RBIS: variants seen among roughly 807,000 people sequenced by gnomAD.
RBIS encodes the protein ribosome biogenesis factor identified in screen.
Under a neutral mutation model 9.8 loss-of-function variants are expected in RBIS, and 9 were observed. The observed-to-expected ratio is 0.92, with a 90% CI of 0.56 to 1.61. The LOEUF is 1.61. Among genes scored for constraint, RBIS ranks in the 40% most tolerant of loss-of-function variants. The pLI is 0.00. For synonymous variants in RBIS, 35 were observed against 37.9 expected, an observed-to-expected ratio of 0.92 and a Z score of 0.28; for missense variants, 103 against 116.0, an observed-to-expected ratio of 0.89 and a Z score of 0.51.
chr8:85,217,478 C>T lies in RBIS; in HGVS notation c.22G>A (p.Gly8Arg). The T allele has an allele frequency of 3.1e-6, 5 of 1,611,274 alleles. No individual in the cohort carries two copies. The highest frequency in any genetic ancestry group is 1.3e-5 in the African/African-American group (1 of 74,944). ...TGAAATACATTCCTGGACTTCGGCC[C>T]TCTTAATTTGTTCTTGGCCATTGTC... MAKNKLRGPKSRNVFHIA... is the reference protein window; with the variant it reads MAKNKLRRPKSRNVFHIA... Residue 8 changes from glycine to arginine, a missense_variant, in exon 2 of 4, where the codon GGG (glycine) becomes AGG (arginine). Coordinates refer to ENST00000619594, the MANE Select transcript of RBIS (RefSeq NM_001099673.3).
Position 85,214,476 on chromosome 8 carries a change from C to G in RBIS, c.*84G>C, listed in dbSNP as rs191018956. 4.4e-5 allele frequency: 42 copies of G among 948,514 alleles called. No individual in the cohort carries two copies. The highest frequency in any genetic ancestry group is 6.9e-5 in the Non-Finnish European group (41 of 593,546). 58.8% of individuals were successfully genotyped at this position (948,514 alleles called of 1,614,324 possible). A position where few individuals can be genotyped will look rare whatever the true frequency, so the allele number is the denominator to read the frequency against. On this transcript the variant is annotated 3_prime_UTR_variant, in exon 4 of 4. Transcript: ENST00000619594. ...TTTTTAAAATGTGCCAATGCCTGTACATTAACAAGATTTTTAAAAATAAAA... is the reference window on the plus strand; with the variant it reads ...TTTTTAAAATGTGCCAATGCCTGTAGATTAACAAGATTTTTAAAAATAAAA...
chr8:85,217,469 A>G lies in RBIS; in HGVS notation c.31T>C (p.Ser11Pro). 6.2e-7 allele frequency: 1 copy of G among 1,612,134 alleles called. No individual in the cohort carries two copies. Among genetic ancestry groups the G allele is most frequent in the Non-Finnish European group, 8.5e-7 (1 of 1,179,500 alleles). ...CTGGCTATGTGAAATACATTCCTGGACTTCGGCCCTCTTAATTTGTTCTTG... is the reference window on the plus strand; with the variant it reads ...CTGGCTATGTGAAATACATTCCTGGGCTTCGGCCCTCTTAATTTGTTCTTG... Reference protein sequence around the residue: MAKNKLRGPKSRNVFHIASQK... With the variant: MAKNKLRGPKPRNVFHIASQK... Residue 11 changes from serine (S) to proline (P), a missense_variant, in exon 2 of 4, where the codon TCC (serine) becomes CCC (proline). Transcript: ENST00000619594.
Position 85,214,432 on chromosome 8 carries a change from G to T in RBIS, c.*128C>A, listed in dbSNP as rs140072409. On this transcript the variant is annotated 3_prime_UTR_variant, in exon 4 of 4. Coordinates refer to ENST00000619594, the MANE Select transcript of RBIS (RefSeq NM_001099673.3). ...TTCCACTTTCCTAGGTTATAGGAAA[G>T]ATCTGTTTATGTAGTTTGTTTTTAA... 31 of 696,508 alleles carry T rather than the reference G, an allele frequency of 4.5e-5. No homozygotes were observed. In the East Asian group the frequency reaches 7.8e-4, roughly 18 times the overall value. 43.1% of individuals were successfully genotyped at this position (696,508 alleles called of 1,614,324 possible).
At chr8:85,217,821 T>A (rs1467933173) in intron 1 of RBIS, 1 of 310,520 alleles carries the variant, frequency 3.2e-6, no homozygotes, top group African/African-American at 2.2e-5. Context: ...CACCCATCCT[T>A]CTGTTAGTCT....
chr8:85,220,121 C>G (rs2129851849), intron 1 of RBIS, among the ~76,000 whole-genome samples, 185 bp downstream of exon 1: 1 of 152,212 alleles, frequency 6.6e-6, no homozygotes, highest in East Asian at 1.9e-4. Context: ...ACTGGGACCC[C>G]GTCAGGAGAT....
intron 2 of RBIS, chr8:85,215,300 G>GAT (rs4150975): frequency 6.3e-4 from 113 of 179,462 alleles, no homozygotes; most frequent in African/African-American, 1.4e-3. Flanking sequence ...TTCATAATAA[G>GAT]ATATATATAT....
intron 2 of RBIS, chr8:85,216,896 CAAAG>C (rs969088818): frequency 2.7e-4 from 44 of 160,102 alleles, no homozygotes; most frequent in Admixed American, 7.1e-4. Flanking sequence ...GAAATATAAA[CAAAG>C]AAAAGAAACC....
intron 2 of RBIS, chr8:85,217,139 A>G: frequency 5.0e-6 from 3 of 604,674 alleles, no homozygotes; most frequent in Non-Finnish European, 8.7e-6. Flanking sequence ...CAGTAAAACT[A>G]TTAAATTGAA....
At chr8:85,218,479 C>T (rs1813232895) in intron 1 of RBIS, 1 of 152,140 alleles carries the variant, frequency 6.6e-6, no homozygotes, top group Non-Finnish European at 1.5e-5. Context: ...CTGCTGAAGT[C>T]CCTAGGTCCA....
At position 85,214,561 on chromosome 8, in the gene RBIS, T is replaced by TA. The variant is rs1813052021; in HGVS notation, c.301dup (p.Ter101LeufsTer5). ...AGAATTAGATGCATCACCAGTATAT[T>TA]ACAACAGAGCCATTAATCTTGTAGC... On this transcript the variant is annotated frameshift_variant and stop_lost, in exon 4 of 4. Coordinates refer to ENST00000619594, the MANE Select transcript of RBIS (RefSeq NM_001099673.3). LOFTEE classifies it high-confidence loss of function. 1 of 1,546,560 alleles carries TA rather than the reference T, an allele frequency of 6.5e-7. No individual in the cohort carries two copies. Among genetic ancestry groups the TA allele is most frequent in the Non-Finnish European group, 8.9e-7 (1 of 1,119,912 alleles).
In RBIS at chr8:85,214,570, GC is replaced by G; in HGVS notation, c.292del (p.Ala98LeufsTer17). The G allele has an allele frequency of 6.4e-7, 1 of 1,566,064 alleles. No homozygotes were observed. Among genetic ancestry groups the G allele is most frequent in the Non-Finnish European group, 8.8e-7 (1 of 1,137,190 alleles). Reference protein sequence around the residue: ...VNVDEATRLMALL With the variant: ...VNVDEATRLMXLL ...TGCATCACCAGTATATTACAACAGA[GC>G]CATTAATCTTGTAGCTTCATCAACA... On this transcript the variant is annotated frameshift_variant, in exon 4 of 4. Coordinates refer to ENST00000619594, the MANE Select transcript of RBIS (RefSeq NM_001099673.3). LOFTEE classifies it high-confidence loss of function.
Position 85,214,366 on chromosome 8 carries a change from T to C in RBIS, c.*194A>G. The C allele has an allele frequency of 1.6e-6, 1 of 606,510 alleles. No homozygotes were observed. 37.6% of individuals were successfully genotyped at this position (606,510 alleles called of 1,614,324 possible). ...ACAGATTTTGTGAAGTGCCTTCTGT[T>C]TTAGCACTTTAAGTTTATCACATTT... On this transcript the variant is annotated 3_prime_UTR_variant, in exon 4 of 4. Coordinates refer to ENST00000619594, the MANE Select transcript of RBIS (RefSeq NM_001099673.3).
At chr8:85,219,184 C>T (rs1189297620) in intron 1 of RBIS, 5 of 152,266 alleles carry the variant, frequency 3.3e-5, no homozygotes, top group African/African-American at 4.8e-5. Flanking sequence ...TCTAGCCAGC[C>T]TGGTCTAACT....
In RBIS at chr8:85,220,335, T is replaced by C. The variant is rs910297784; in HGVS notation, c.-33A>G. On this transcript the variant is annotated 5_prime_UTR_variant, in exon 1 of 4. An upstream open reading frame in the 5' UTR loses its in-frame stop. Transcript: ENST00000619594. Reference sequence around the variant, plus strand: ...AGTTTAACACTTGCGTGCAGCTTTTTAAGCTCCAGGTAACACCATCTGGCA... The same window carrying C: ...AGTTTAACACTTGCGTGCAGCTTTTCAAGCTCCAGGTAACACCATCTGGCA... The C allele has an allele frequency of 2.0e-5, 3 of 152,260 alleles. No homozygotes were observed. The highest frequency in any genetic ancestry group is 2.9e-5 in the Non-Finnish European group (2 of 68,062). 9.4% of individuals were successfully genotyped at this position (152,260 alleles called of 1,614,324 possible).
At position 85,214,261 on chromosome 8, in the gene RBIS, A is replaced by G; in HGVS notation, c.*299T>C. 2 of 560,554 alleles carry G rather than the reference A, an allele frequency of 3.6e-6. No homozygotes were observed. Among genetic ancestry groups the G allele is most frequent in the Non-Finnish European group, 6.7e-6 (2 of 300,018 alleles). The allele number at this position is 560,554 out of a possible 1,614,324, so 34.7% of individuals were successfully genotyped here. On this transcript the variant is annotated 3_prime_UTR_variant, in exon 4 of 4. Transcript: ENST00000619594. ...GCCACTAAACTGCCTGTATTTCTGT[A>G]TGTCCTTCTATCCAAACAGACGTTC...
At position 85,214,994 on chromosome 8, in the gene RBIS, G is replaced by A. The variant is rs1813080265; in HGVS notation, c.158C>T (p.Ala53Val). The A allele has an allele frequency of 1.9e-6, 3 of 1,573,522 alleles. No homozygotes were observed. The highest frequency in any genetic ancestry group is 2.6e-6 in the Non-Finnish European group (3 of 1,153,320). The stretch of plus-strand genomic sequence containing the variant: ...AAGTTCCTTTTGTACATTTACAAAA[G>A]CTTTATTTACTCTGTTAACTTTTTC... ...NEEKVNRVNK[A>V]FVNVQKELAH... The change falls in exon 3 of 4, where the codon GCT (alanine) becomes GTT (valine). Residue 53 changes from alanine (A) to valine (V), a missense_variant. Coordinates refer to ENST00000619594, the MANE Select transcript of RBIS (RefSeq NM_001099673.3).
intron 2 of RBIS, chr8:85,216,166 C>T (rs1021249431): frequency 6.6e-6 from 1 of 152,186 alleles, no homozygotes; most frequent in Non-Finnish European, 1.5e-5. Flanking sequence ...CATCCCGCAT[C>T]TATACAAGAA....
rs1813195379 is a variant in RBIS at position 85,217,400 on chromosome 8, T to C, written c.100A>G (p.Thr34Ala). The change falls in exon 2 of 4, where the codon ACT (threonine) becomes GCT (alanine). Residue 34 changes from threonine (T) to alanine (A), a missense_variant. By Grantham distance (58) the Thr-to-Ala change is moderately conservative. Transcript: ENST00000619594. The stretch of plus-strand genomic sequence containing the variant: ...CTAATACTCACCTTCTTAAGATTAG[T>C]GGTAACTGGTTTTGCTTTGTTTTTA... ...KAKNKAKPVT[T>A]NLKKINIMNE... The C allele has an allele frequency of 1.3e-6, 2 of 1,595,086 alleles. No individual in the cohort carries two copies. Among genetic ancestry groups the C allele is most frequent in the African/African-American group, 1.3e-5 (1 of 74,526 alleles).
Position 85,214,482 on chromosome 8 carries a change from C to A in RBIS, c.*78G>T. ...AAATGTGCCAATGCCTGTACATTAACAAGATTTTTAAAAATAAAATTGTAT... is the reference window on the plus strand; with the variant it reads ...AAATGTGCCAATGCCTGTACATTAAAAAGATTTTTAAAAATAAAATTGTAT... On this transcript the variant is annotated 3_prime_UTR_variant, in exon 4 of 4. Coordinates refer to ENST00000619594, the MANE Select transcript of RBIS (RefSeq NM_001099673.3). The A allele has an allele frequency of 1.9e-6, 2 of 1,030,678 alleles. No individual in the cohort carries two copies. The highest frequency in any genetic ancestry group is 3.0e-6 in the Non-Finnish European group (2 of 667,458). The allele number at this position is 1,030,678 out of a possible 1,614,324, so 63.8% of individuals were successfully genotyped here. A position where few individuals can be genotyped will look rare whatever the true frequency, so the allele number is the denominator to read the frequency against.
Sources: gnomAD v4.1 joint callset for allele counts (sites outside exome capture counted in the v4.1 genomes callset) on GRCh38, gnomAD v4.1.1 for gene constraint, MANE v1.5 for transcripts, NCBI Gene and HGNC (gene_info 2026-07-23, HGNC 2026-07-21) for gene names.